MOBP: variants seen among roughly 807,000 people sequenced by gnomAD.
The protein encoded by MOBP is myelin-associated oligodendrocyte basic protein.
MOBP carries 5 observed loss-of-function variants against 15.0 expected under a neutral mutation model. The observed-to-expected ratio is 0.33, with a 90% CI of 0.17 to 0.70. MOBP has a LOEUF of 0.70. MOBP is among the 30% of genes least tolerant of loss of function. The probability of loss-of-function intolerance (pLI) is 0.67; values close to 1 mark genes in which losing one functional copy is unlikely to be tolerated. For missense variants in MOBP, 188 were observed against 257.8 expected (o/e 0.73, Z 1.85); for synonymous variants, 88 against 99.0 (o/e 0.89, Z 0.66).
intron 2 of MOBP, among the ~76,000 whole-genome samples, chr3:39,480,873 C>T (rs907476504): frequency 2.6e-5 from 4 of 152,218 alleles, no homozygotes; most frequent in Non-Finnish European, 5.9e-5. Context: ...CTCCATCAAG[C>T]AAACAGTGCA....
downstream of MOBP, chr3:39,529,475 A>G (rs897697943): frequency 2.3e-4 from 35 of 152,200 alleles, no homozygotes; most frequent in African/African-American, 8.0e-4. Context: ...AATGAGCAAA[A>G]AAAATGGCCA....
At chr3:39,484,464 G>T (rs2042672514) in intron 2 of MOBP, among the ~76,000 whole-genome samples, 1 of 152,170 alleles carries the variant, frequency 6.6e-6, no homozygotes, top group East Asian at 1.9e-4. Flanking sequence ...ATAGATAAGG[G>T]GAAAGTGAGT....
chr3:39,486,384 T>C (rs967583647), intron 2 of MOBP, among the ~76,000 whole-genome samples: 3 of 152,234 alleles, frequency 2.0e-5, no homozygotes. Flanking sequence ...GTATTTGTTC[T>C]AATTTCTTCT....
downstream of MOBP, among the ~76,000 whole-genome samples, chr3:39,504,611 A>T (rs1362665342): frequency 1.3e-5 from 2 of 152,242 alleles, no homozygotes; most frequent in Non-Finnish European, 2.9e-5. Flanking sequence ...CTTCATTCGT[A>T]ATGTCCCCTG....
chr3:39,527,593 G>C (rs975877530), downstream of MOBP: 1 of 151,950 alleles, frequency 6.6e-6, no homozygotes, highest in African/African-American at 2.4e-5. Context: ...GAGTAGCTGG[G>C]ATTACAGGCA....
intron 2 of MOBP, among the ~76,000 whole-genome samples, chr3:39,480,453 T>A (rs1369840010): frequency 6.6e-6 from 1 of 152,208 alleles, no homozygotes; most frequent in Non-Finnish European, 1.5e-5. Flanking sequence ...TCCCAAACTT[T>A]CTGCAGGAGA....
chr3:39,498,827 C>T (rs2042927353), intron 2 of MOBP, among the ~76,000 whole-genome samples: 1 of 152,046 alleles, frequency 6.6e-6, no homozygotes, highest in African/African-American at 2.4e-5. Context: ...GAGTAAGAAA[C>T]AATTTTCCCC....
At chr3:39,500,101 C>T (rs1015435543) in intron 2 of MOBP, 1 of 455,748 alleles carries the variant, frequency 2.2e-6, no homozygotes, top group Admixed American at 2.4e-5. Flanking sequence ...TTTATCTGCT[C>T]TACCCACTTC....
At chr3:39,484,170 A>G (rs1328895420) in intron 2 of MOBP, among the ~76,000 whole-genome samples, 2 of 152,198 alleles carry the variant, frequency 1.3e-5, no homozygotes, top group African/African-American at 4.8e-5. Flanking sequence ...ATGAGGTAAG[A>G]CCTCAGCTGG....
At chr3:39,504,227 C>G (rs539769212), downstream of MOBP, among the ~76,000 whole-genome samples, 1 of 152,174 alleles carries the variant, frequency 6.6e-6, no homozygotes, top group Non-Finnish European at 1.5e-5. Flanking sequence ...CTGAGTCCCT[C>G]TTAAGGACCC....
chr3:39,520,335 C>T (rs942827248), downstream of MOBP, among the ~76,000 whole-genome samples: 18 of 152,216 alleles, frequency 1.2e-4, no homozygotes, highest in African/African-American at 4.3e-4. Context: ...TGTTCACCTA[C>T]AATTTTAACT....
chr3:39,510,810 A>G (rs113822755), intron 4 of MOBP, among the ~76,000 whole-genome samples: 1,666 of 152,256 alleles, frequency 0.011, 14 homozygotes, highest in African/African-American at 0.02. Context: ...TCGAACTGCT[A>G]TTTTGTTCAA....
chr3:39,478,310 C>T (rs1393514947), intron 1 of MOBP, among the ~76,000 whole-genome samples: 1 of 152,168 alleles, frequency 6.6e-6, no homozygotes, highest in Non-Finnish European at 1.5e-5. Flanking sequence ...CAGTTGCCTA[C>T]AGTATTCAGT....
intron 2 of MOBP, among the ~76,000 whole-genome samples, chr3:39,485,975 A>C (rs994876134): frequency 3.3e-5 from 5 of 152,182 alleles, no homozygotes; most frequent in African/African-American, 1.2e-4. Flanking sequence ...TAATGTAAAC[A>C]TCCTGGTTAC....
chr3:39,520,208 C>T (rs763350894), downstream of MOBP, among the ~76,000 whole-genome samples: 8 of 152,152 alleles, frequency 5.3e-5, no homozygotes, highest in Non-Finnish European at 1.0e-4. Flanking sequence ...TGTGCTGACC[C>T]ATAGCCAAGT....
rs2042386433 is a variant in MOBP, at chr3:39,468,774, A to C, written c.-89+1034A>C. ...TACATATATACATGTGTGTGTATAT[A>C]TACATATATACATGTGTGTGTATAT... On this transcript the variant is annotated intron_variant, in intron 1 of 3. Transcript: ENST00000684792. 1.7e-5 allele frequency among the ~76,000 whole-genome samples: 2 copies of C among 115,834 alleles called. 1 individual carries two copies. The highest frequency in any genetic ancestry group is 3.5e-5 in the Non-Finnish European group (2 of 57,700). The allele number at this position is 115,834 out of a possible 152,430, so 76.0% of individuals were successfully genotyped here.
intron 2 of MOBP, among the ~76,000 whole-genome samples, chr3:39,480,325 T>A (rs1161776880): frequency 1.3e-5 from 2 of 151,996 alleles, no homozygotes; most frequent in Non-Finnish European, 2.9e-5. Flanking sequence ...TAAAAAAAAA[T>A]TTTCTCTACC....
intron 1 of MOBP, among the ~76,000 whole-genome samples, chr3:39,469,020 GTGTGTATATATATACATATATACATA>G (rs1165665988): frequency 5.4e-5 from 5 of 92,192 alleles, no homozygotes; most frequent in African/African-American, 2.8e-4. Flanking sequence ...ATATACATAT[GTGTGTATATATATACATATATACATA>G]TGTGTGTGTA....
chr3:39,515,067 C>T (rs1331551873), exon 5 of MOBP: 2 of 152,320 alleles, frequency 1.3e-5, no homozygotes. Flanking sequence ...CATTTTCTCT[C>T]TCACACAAAA....
Sources: allele counts gnomAD v4.1 joint callset (sites outside exome capture counted in the v4.1 genomes callset), GRCh38; gene constraint gnomAD v4.1.1; transcripts MANE v1.5; gene names NCBI Gene and HGNC (gene_info 2026-07-23, HGNC 2026-07-21).